Variants in GPC4 observed in about 807,000 individuals in gnomAD.
GPC4 encodes glypican-4.
In GPC4, 10 loss-of-function variants were observed where a neutral mutation model predicts 35.0. That is an observed-to-expected ratio of 0.29 (90% confidence interval 0.18 to 0.48). The LOEUF is 0.48. Among genes scored for constraint, GPC4 ranks in the 20% least tolerant of loss-of-function variants. The pLI is 0.99. For synonymous variants in GPC4, 167 were observed against 170.2 expected (o/e 0.98, Z 0.15); for missense variants, 322 against 451.3 (o/e 0.71, Z 2.60).
At chrX:133,346,551 C>T (rs1205744000) in intron 1 of GPC4, among the ~76,000 whole-genome samples, 2 of 111,054 alleles carry the variant, frequency 1.8e-5, no homozygotes, top group Non-Finnish European at 3.8e-5. Context: ...ATGTGATATC[C>T]TGGATGGGAT....
intron 1 of GPC4, among the ~76,000 whole-genome samples, chrX:133,406,858 T>C (rs1449411911): frequency 4.7e-5 from 5 of 105,984 alleles, no homozygotes; most frequent in Middle Eastern, 4.8e-3. Flanking sequence ...GTGGATCACT[T>C]GAGGCCAGGA....
intron 1 of GPC4, among the ~76,000 whole-genome samples, chrX:133,355,801 C>T (rs191152478): frequency 1.8e-5 from 2 of 111,012 alleles, no homozygotes; most frequent in African/African-American, 6.6e-5. Context: ...TGAGTTCTTG[C>T]TCTGAGTTCC....
intron 1 of GPC4, among the ~76,000 whole-genome samples, chrX:133,353,681 C>T (rs930446056): frequency 1.8e-5 from 2 of 111,346 alleles, no homozygotes; most frequent in East Asian, 5.6e-4. Context: ...AGTTCTTTCT[C>T]TCTTACTCCT....
intron 1 of GPC4, among the ~76,000 whole-genome samples, chrX:133,400,375 T>C (rs2068763465): frequency 8.9e-6 from 1 of 112,655 alleles, no homozygotes; most frequent in Admixed American, 9.4e-5. Flanking sequence ...TTTGCCCTGA[T>C]TGCCATTCCC....
At chrX:133,393,059 T>G (rs768515189) in intron 1 of GPC4, among the ~76,000 whole-genome samples, 7 of 111,964 alleles carry the variant, frequency 6.3e-5, no homozygotes, top group Non-Finnish European at 1.3e-4. Context: ...AATAAGAAAC[T>G]GAATTAAGCC....
At chrX:133,370,889 A>G (rs969537300) in intron 1 of GPC4, among the ~76,000 whole-genome samples, 1 of 112,115 alleles carries the variant, frequency 8.9e-6, no homozygotes. Flanking sequence ...TACTCTGTGA[A>G]GTGAAGCAGA....
chrX:133,359,875 G>A (rs2068559235), intron 1 of GPC4, among the ~76,000 whole-genome samples: 1 of 111,250 alleles, frequency 9.0e-6, no homozygotes, highest in Non-Finnish European at 1.9e-5. Flanking sequence ...CACTGTGCCC[G>A]AGACTGGTGC....
chrX:133,396,793 T>C (rs956267119), intron 1 of GPC4, among the ~76,000 whole-genome samples: 6 of 112,092 alleles, frequency 5.4e-5, no homozygotes, highest in Non-Finnish European at 1.1e-4. Flanking sequence ...GCAGGAAGTA[T>C]TGGCAACTAA....
At chrX:133,403,528 A>G (rs1176081173) in intron 1 of GPC4, among the ~76,000 whole-genome samples, 2 of 111,617 alleles carry the variant, frequency 1.8e-5, no homozygotes, top group Non-Finnish European at 3.8e-5. Flanking sequence ...TGAATTTTAG[A>G]AGAATAGAGT....
chrX:133,390,247 T>A (rs2124173346), intron 1 of GPC4, among the ~76,000 whole-genome samples: 1 of 112,016 alleles, frequency 8.9e-6, no homozygotes, highest in East Asian at 2.8e-4. Flanking sequence ...GATGTACACA[T>A]AACTTGCCTC....
intron 4 of GPC4, among the ~76,000 whole-genome samples, chrX:133,308,079 G>C (rs1044471137): frequency 1.8e-5 from 2 of 112,067 alleles, no homozygotes; most frequent in Non-Finnish European, 3.8e-5. Flanking sequence ...TCTGCAGCCC[G>C]GGAGCCAAAG....
intron 4 of GPC4, among the ~76,000 whole-genome samples, chrX:133,310,339 G>A (rs758744221): frequency 8.9e-6 from 1 of 112,048 alleles, no homozygotes; most frequent in African/African-American, 3.2e-5. Flanking sequence ...TAGTATGTGT[G>A]TGCGGTCCTA....
At chrX:133,331,366 G>A (rs779762566) in intron 2 of GPC4, among the ~76,000 whole-genome samples, 44 of 111,881 alleles carry the variant, frequency 3.9e-4, no homozygotes, top group Admixed American at 3.4e-3. Flanking sequence ...AGCTGGAGGA[G>A]CCATTGCAAG....
intron 1 of GPC4, among the ~76,000 whole-genome samples, chrX:133,379,193 G>A (rs774323328): frequency 8.9e-6 from 1 of 112,571 alleles, no homozygotes; most frequent in African/African-American, 3.2e-5. Flanking sequence ...AGCAACCTAA[G>A]CACCCATCAA....
chrX:133,303,427 C>T (rs950722663), intron 7 of GPC4, 86 bp from the exon 8 acceptor site: 420 of 793,558 alleles, frequency 5.3e-4, no homozygotes, highest in Non-Finnish European at 6.7e-4. Flanking sequence ...GGATTACAGG[C>T]GTGAAGATTA....
intron 3 of GPC4, among the ~76,000 whole-genome samples, chrX:133,322,125 C>T (rs927734448): frequency 2.1e-4 from 23 of 111,687 alleles, no homozygotes; most frequent in Middle Eastern, 4.6e-3. Context: ...GGCCAGTCCA[C>T]GACAGTCCTG....
At chrX:133,316,054 A>T (rs1009966757) in intron 3 of GPC4, among the ~76,000 whole-genome samples, 3 of 111,884 alleles carry the variant, frequency 2.7e-5, no homozygotes, top group Non-Finnish European at 5.6e-5. Context: ...TTTAGCTTTT[A>T]TGGTTTCGTG....
chrX:133,398,493 CCCCGT>C (rs1289573732), intron 1 of GPC4, among the ~76,000 whole-genome samples: 1 of 111,709 alleles, frequency 9.0e-6, no homozygotes, highest in East Asian at 2.8e-4. Context: ...ACTGGCCAGG[CCCCGT>C]GGCTCACGCC....
At position 133,415,035 on chromosome X, in the gene GPC4, G is replaced by C; in HGVS notation, c.-70C>G. On this transcript the variant is annotated 5_prime_UTR_variant, in exon 1 of 9. Coordinates refer to ENST00000370828, the MANE Select transcript of GPC4 (RefSeq NM_001448.3). Reference sequence around the variant, plus strand: ...GGAAGCGGCGCTACGGCAGCGGGCCGAGGGCTGGCGGAGTCGGGGACTAGC... The same window carrying C: ...GGAAGCGGCGCTACGGCAGCGGGCCCAGGGCTGGCGGAGTCGGGGACTAGC... The C allele has an allele frequency of 9.3e-7, 1 of 1,077,188 alleles. No individual in the cohort carries two copies. The highest frequency in any genetic ancestry group is 1.3e-6 in the Non-Finnish European group (1 of 793,769). 88.8% of individuals were successfully genotyped at this position (1,077,188 alleles called of 1,213,427 possible).
Sources: allele counts gnomAD v4.1 joint callset (sites outside exome capture counted in the v4.1 genomes callset), GRCh38; gene constraint gnomAD v4.1.1; transcripts MANE v1.5; gene names NCBI Gene and HGNC (gene_info 2026-07-23, HGNC 2026-07-21).